The following NAALADL2 variants were observed in gnomAD, a reference collection of about 807,000 sequenced individuals.
NAALADL2 encodes N-acetylated alpha-linked acidic dipeptidase like 2.
A neutral mutation model predicts 87.2 loss-of-function variants in NAALADL2; 76 were observed. The observed-to-expected ratio is 0.87, with a 90% confidence interval of 0.72 to 1.05. The LOEUF (loss-of-function observed/expected upper bound fraction) is 1.05. NAALADL2 is among the 50% of genes least tolerant of loss of function. The pLI, the probability that NAALADL2 is intolerant of heterozygous loss-of-function variation, is 0.00. For synonymous variants in NAALADL2, 354 were observed against 331.0 expected (o/e 1.07, Z -0.75); for missense variants, 1,089 against 945.8 (o/e 1.15, Z -1.99).
intron 2 of NAALADL2, among the ~76,000 whole-genome samples, chr3:174,650,550 A>G (rs1724250056): frequency 6.6e-6 from 1 of 152,190 alleles, no homozygotes; most frequent in African/African-American, 2.4e-5. Flanking sequence ...AACAAGTTTT[A>G]AAGATATGGA....
intron 10 of NAALADL2, among the ~76,000 whole-genome samples, chr3:175,610,489 C>G (rs1035768393): frequency 2.0e-5 from 3 of 152,022 alleles, no homozygotes; most frequent in Non-Finnish European, 4.4e-5. Context: ...GGCTATGATA[C>G]TTTATTCTCA....
chr3:174,583,180 G>T (rs1293557588), intron 2 of NAALADL2, among the ~76,000 whole-genome samples: 1 of 152,072 alleles, frequency 6.6e-6, no homozygotes, highest in African/African-American at 2.4e-5. Context: ...TCTATAATAT[G>T]GTAAGTGCTG....
chr3:175,095,608 T>C (rs1721010003), intron 1 of NAALADL2, among the ~76,000 whole-genome samples: 1 of 152,128 alleles, frequency 6.6e-6, no homozygotes, highest in Non-Finnish European at 1.5e-5. Flanking sequence ...CTAGCCAAGA[T>C]TGGAGACATG....
chr3:174,853,780 G>A (rs1219510294), intron 3 of NAALADL2, among the ~76,000 whole-genome samples: 4 of 152,106 alleles, frequency 2.6e-5, no homozygotes, highest in Non-Finnish European at 4.4e-5. Flanking sequence ...ATGAAAAAAT[G>A]TTCATCATCA....
At chr3:175,632,266 T>TTCTCTCTCTCTCTCTCTCTC (rs61458338) in intron 11 of NAALADL2, among the ~76,000 whole-genome samples, 1 of 129,470 alleles carries the variant, frequency 7.7e-6, no homozygotes, top group Non-Finnish European at 1.7e-5. Flanking sequence ...CACTTTCCCC[T>TTCTCTCTCTCTCTCTCTCTC]TCTCTCTCTC....
intron 2 of NAALADL2, among the ~76,000 whole-genome samples, chr3:174,708,600 G>C (rs1377862552): frequency 6.6e-6 from 1 of 152,104 alleles, no homozygotes; most frequent in Non-Finnish European, 1.5e-5. Flanking sequence ...TAAATTTTAT[G>C]AGTCAAATGC....
chr3:174,726,663 G>A (rs1043075510), intron 2 of NAALADL2, among the ~76,000 whole-genome samples: 3 of 151,452 alleles, frequency 2.0e-5, no homozygotes, highest in Non-Finnish European at 4.4e-5. Context: ...CTGTGACACC[G>A]TTGTCTTATT....
At chr3:175,543,495 T>A (rs2149474461) in intron 9 of NAALADL2, among the ~76,000 whole-genome samples, 1 of 152,236 alleles carries the variant, frequency 6.6e-6, no homozygotes, top group East Asian at 1.9e-4. Flanking sequence ...AAAAGAGGTT[T>A]AATGGACTCA....
chr3:174,843,233 A>G (rs1724224326), intron 3 of NAALADL2, among the ~76,000 whole-genome samples: 1 of 152,038 alleles, frequency 6.6e-6, no homozygotes, highest in Non-Finnish European at 1.5e-5. Context: ...GTACTATCTG[A>G]TCAATCTCTT....
intron 13 of NAALADL2, among the ~76,000 whole-genome samples, chr3:175,769,112 T>C (rs2150172447): frequency 6.6e-6 from 1 of 152,326 alleles, no homozygotes; most frequent in Admixed American, 6.5e-5. Context: ...TTCTTACCTG[T>C]AAGTTAGAAT....
intron 1 of NAALADL2, among the ~76,000 whole-genome samples, chr3:174,883,189 AG>A (rs111957723): frequency 2.0e-5 from 3 of 151,864 alleles, no homozygotes; most frequent in Non-Finnish European, 2.9e-5. Context: ...ACCCAGATTA[AG>A]GGGGGGTCTG....
rs1192362592 is a variant in NAALADL2, at chr3:175,441,677, A to T, written c.1091-5552A>T. Reference sequence around the variant, plus strand: ...AGTAGCAAGGATCTCATGTTCACACACACACACACACACACACACACACAC... The same window carrying T: ...AGTAGCAAGGATCTCATGTTCACACTCACACACACACACACACACACACAC... On this transcript the variant is annotated intron_variant, in intron 5 of 13. Transcript: ENST00000454872. 3.3e-4 allele frequency among the ~76,000 whole-genome samples: 19 copies of T among 57,274 alleles called. No individual in the cohort carries two copies. The Admixed American group carries it at 4.1e-3, about 12-fold the overall frequency. 37.6% of individuals were successfully genotyped at this position (57,274 alleles called of 152,430 possible).
chr3:175,160,000 C>CTTTTTTTT (rs58734561), intron 2 of NAALADL2, among the ~76,000 whole-genome samples: 52,607 of 133,592 alleles, frequency 0.39, 11,146 homozygotes, highest in East Asian at 0.54. Flanking sequence ...CCACTCGTGA[C>CTTTTTTTT]TTTTTTTTTT....
intron 2 of NAALADL2, among the ~76,000 whole-genome samples, chr3:174,581,577 C>T (rs952031930): frequency 1.4e-4 from 21 of 152,214 alleles, no homozygotes; most frequent in East Asian, 3.9e-4. Context: ...AGAATTGATA[C>T]GTAGGATAAT....
chr3:175,530,218 G>C lies in NAALADL2; in HGVS notation c.1654-45823G>C, dbSNP rs192948508. Among the ~76,000 whole-genome samples, 98 of 152,300 alleles carry C rather than the reference G, an allele frequency of 6.4e-4. 1 individual carries two copies. The highest frequency in any genetic ancestry group is 2.3e-3 in the African/African-American group (97 of 41,566). On this transcript the variant is annotated intron_variant, in intron 9 of 13. Transcript: ENST00000454872. ...CACTCGATTATTAAAATCCTCCTCTGCTGAGGTCACCCATTGGTGAGCACT... is the reference window on the plus strand; with the variant it reads ...CACTCGATTATTAAAATCCTCCTCTCCTGAGGTCACCCATTGGTGAGCACT...
At chr3:175,331,312 T>G (rs552622251) in intron 5 of NAALADL2, among the ~76,000 whole-genome samples, 2 of 152,262 alleles carry the variant, frequency 1.3e-5, no homozygotes, top group African/African-American at 4.8e-5. Flanking sequence ...ATGCCAGCAT[T>G]ACTTTGATAC....
At chr3:175,440,074 A>G (rs148609354) in intron 5 of NAALADL2, among the ~76,000 whole-genome samples, 16 of 152,256 alleles carry the variant, frequency 1.1e-4, no homozygotes, top group African/African-American at 3.6e-4. Context: ...AAGATGAGAG[A>G]TGAGAACCCA....
chr3:175,641,603 A>T (rs1729297732), intron 11 of NAALADL2, among the ~76,000 whole-genome samples: 1 of 152,118 alleles, frequency 6.6e-6, no homozygotes, highest in Non-Finnish European at 1.5e-5. Flanking sequence ...AGCTACTCCA[A>T]CCGTGATTTA....
At chr3:174,621,665 A>C (rs1474699586) in intron 2 of NAALADL2, among the ~76,000 whole-genome samples, 1 of 152,090 alleles carries the variant, frequency 6.6e-6, no homozygotes, top group Non-Finnish European at 1.5e-5. Context: ...TACAACCTTA[A>C]ACTTGTTATT....
Sources: allele counts gnomAD v4.1 joint callset (sites outside exome capture counted in the v4.1 genomes callset), GRCh38; gene constraint gnomAD v4.1.1; transcripts MANE v1.5; gene names NCBI Gene and HGNC (gene_info 2026-07-23, HGNC 2026-07-21).